Variants in REV3L observed in about 807,000 individuals in gnomAD.
REV3L encodes the protein DNA polymerase zeta catalytic subunit.
REV3L carries 69 observed loss-of-function variants against 299.4 expected under a neutral mutation model. That is an observed-to-expected ratio of 0.23 (90% CI 0.19 to 0.28). The LOEUF (loss-of-function observed/expected upper bound fraction) is 0.28. Among genes scored for constraint, REV3L ranks in the 10% least tolerant of loss-of-function variants. The probability of loss-of-function intolerance (pLI) is 1.00; values close to 1 mark genes in which losing one functional copy is unlikely to be tolerated. For synonymous variants in REV3L, 1,238 were observed against 1,271.4 expected (o/e 0.97, Z 0.56); for missense variants, 3,128 against 3,693.8 (o/e 0.85, Z 3.97).
At chr6:111,387,653 C>T in intron 9 of REV3L, 112 bp downstream of exon 9, 1 of 1,057,836 alleles carries the variant, frequency 9.5e-7, no homozygotes, top group Non-Finnish European at 1.4e-6. Context: ...GCTATATCCA[C>T]AATATTTATT....
intron 1 of REV3L, among the ~76,000 whole-genome samples, chr6:111,471,267 C>T (rs890995772): frequency 4.0e-5 from 6 of 151,514 alleles, no homozygotes; most frequent in Middle Eastern, 3.4e-3. Context: ...TTTTAAGGCA[C>T]TAGTGATGGC....
intron 31 of REV3L, among the ~76,000 whole-genome samples, chr6:111,305,251 C>CT (rs1045420671): frequency 2.0e-5 from 3 of 151,758 alleles, no homozygotes; most frequent in African/African-American, 7.3e-5. Context: ...CGATTTTATT[C>CT]TTTTTTTATG....
In REV3L at chr6:111,380,226, A is replaced by G; in HGVS notation, c.1217-7T>C. 1 of 1,571,220 alleles carries G rather than the reference A, an allele frequency of 6.4e-7. No homozygotes were observed. The highest frequency in any genetic ancestry group is 1.1e-5 in the South Asian group (1 of 88,524). ...TCATCAGGACTACTGTCCACTATAA[A>G]ACAAGTACAATAATCACCAACAAAT... On this transcript the variant is annotated splice_region_variant and splice_polypyrimidine_tract_variant and intron_variant, in intron 10 of 31. Transcript: ENST00000368802.
intron 1 of REV3L, among the ~76,000 whole-genome samples, chr6:111,450,499 A>AC (rs1789391471): frequency 1.3e-5 from 2 of 150,500 alleles, no homozygotes; most frequent in African/African-American, 4.9e-5. Context: ...AAAAAAAAAA[A>AC]AAAAAAACCA....
In REV3L at chr6:111,483,091, G is replaced by T; in HGVS notation, c.-203C>A. 1 of 565,028 alleles carries T rather than the reference G, an allele frequency of 1.8e-6. No homozygotes were observed. The highest frequency in any genetic ancestry group is 2.9e-6 in the Non-Finnish European group (1 of 350,758). 35.0% of individuals were successfully genotyped at this position (565,028 alleles called of 1,614,324 possible). ...CGCCTCCTCAGGAGCACCCGGCAAG[G>T]GGCCGCAGGAGAGAAGCCCTCGAGC... On this transcript the variant is annotated 5_prime_UTR_variant, in exon 1 of 32. Transcript: ENST00000368802.
chr6:111,442,766 C>G (rs371548245), intron 1 of REV3L, among the ~76,000 whole-genome samples: 13 of 152,252 alleles, frequency 8.5e-5, no homozygotes, highest in African/African-American at 3.1e-4. Flanking sequence ...TTAACTACAT[C>G]TCTTTAAGTA....
intron 14 of REV3L, among the ~76,000 whole-genome samples, chr6:111,366,598 T>A (rs1779238386): frequency 6.6e-6 from 1 of 151,750 alleles, no homozygotes; most frequent in Non-Finnish European, 1.5e-5. Context: ...CAGGAACATC[T>A]ATTGGTTTTA....
At position 111,376,358 on chromosome 6, in the gene REV3L, A is replaced by T. The variant is rs1445004502; in HGVS notation, c.1997T>A (p.Ile666Asn). ...ESSIFDYEEDIPSVTRQVPSR... is the reference protein window; with the variant it reads ...ESSIFDYEEDNPSVTRQVPSR... ...TGGTACTTGTCTTGTAACAGATGGA[A>T]TATCTTCTTCATAATCAAAAATACT... is the stretch of plus-strand genomic sequence containing the variant. The change falls in exon 13 of 32, where the codon ATT becomes AAT. Residue 666 changes from isoleucine (I) to asparagine (N), a missense_variant. Physicochemically the swap from Ile to Asn is moderately radical, Grantham distance 149. Coordinates refer to ENST00000368802, the MANE Select transcript of REV3L (RefSeq NM_001372078.1). 6.2e-7 allele frequency: 1 copy of T among 1,612,580 alleles called. No homozygotes were observed. Among genetic ancestry groups the T allele is most frequent in the East Asian group, 2.2e-5 (1 of 44,834 alleles).
intron 1 of REV3L, among the ~76,000 whole-genome samples, chr6:111,426,000 T>C (rs1254644546): frequency 6.6e-6 from 1 of 152,144 alleles, no homozygotes; most frequent in Admixed American, 6.5e-5. Context: ...CCTAAAACGT[T>C]TGGATTCTTT....
At chr6:111,372,181 T>C (rs1020413132) in intron 13 of REV3L, among the ~76,000 whole-genome samples, 2 of 152,212 alleles carry the variant, frequency 1.3e-5, no homozygotes, top group Non-Finnish European at 1.5e-5. Context: ...AACACATACA[T>C]GCTCATTTTC....
At chr6:111,453,702 A>G (rs1375533933) in intron 1 of REV3L, among the ~76,000 whole-genome samples, 1 of 152,184 alleles carries the variant, frequency 6.6e-6, no homozygotes, top group Non-Finnish European at 1.5e-5. Context: ...TATGTGCTAC[A>G]GCTGGGTGCG....
chr6:111,431,324 A>G (rs752167644), intron 1 of REV3L: 12 of 1,140,350 alleles, frequency 1.1e-5, no homozygotes, highest in Non-Finnish European at 1.6e-5. Context: ...AGAAATGGAG[A>G]TTACAGAAGT....
At chr6:111,440,402 C>T (rs1229561185) in intron 1 of REV3L, among the ~76,000 whole-genome samples, 2 of 152,156 alleles carry the variant, frequency 1.3e-5, no homozygotes, top group African/African-American at 4.8e-5. Flanking sequence ...CAGAAATAAA[C>T]AAACGTATCT....
chr6:111,367,837 G>C lies in REV3L; in HGVS notation c.5951C>G (p.Pro1984Arg). Residue 1984 changes from proline (P) to arginine (R), a missense_variant, in exon 14 of 32, where the codon CCT (proline) becomes CGT (arginine). Pro to Arg is a moderately radical substitution (Grantham distance 103). This residue lies in a region of REV3L where 2,409 missense variants were observed against 2,611.8 expected (regional missense o/e 0.92). Coordinates refer to ENST00000368802, the MANE Select transcript of REV3L (RefSeq NM_001372078.1). The part of the protein sequence containing the change: ...GVVNKGSSNS[P>R]KMVEDKKIVI... ...AATTTTTTTATCTTCAACCATCTTA[G>C]GGCTATTACTTGACCCTTTATTGAC... 1 of 1,614,078 alleles carries C rather than the reference G, an allele frequency of 6.2e-7. No homozygotes were observed. The highest frequency in any genetic ancestry group is 1.6e-4 in the Middle Eastern group (1 of 6,062).
At chr6:111,423,588 G>GCA (rs1256296475) in intron 1 of REV3L, among the ~76,000 whole-genome samples, 1 of 152,142 alleles carries the variant, frequency 6.6e-6, no homozygotes, top group Non-Finnish European at 1.5e-5. Context: ...GTGCGCACAT[G>GCA]CATGTACTAA....
At chr6:111,439,729 C>T (rs1180267259) in intron 1 of REV3L, among the ~76,000 whole-genome samples, 1 of 152,154 alleles carries the variant, frequency 6.6e-6, no homozygotes, top group Non-Finnish European at 1.5e-5. Context: ...GTCATGGTCA[C>T]AGTTTGGTGG....
At chr6:111,475,293 T>C (rs972520725) in intron 1 of REV3L, among the ~76,000 whole-genome samples, 1 of 152,212 alleles carries the variant, frequency 6.6e-6, no homozygotes, top group Non-Finnish European at 1.5e-5. Context: ...TTCCAATCTT[T>C]TGCAGTAACA....
chr6:111,402,051 T>C (rs1434481855), intron 4 of REV3L, among the ~76,000 whole-genome samples: 13 of 151,924 alleles, frequency 8.6e-5, no homozygotes, highest in Middle Eastern at 3.2e-3. Context: ...GAGGTGGAGG[T>C]TGCAGTGAGC....
chr6:111,317,276 TAAAAG>T (rs1164048285), intron 26 of REV3L, among the ~76,000 whole-genome samples: 1 of 152,194 alleles, frequency 6.6e-6, no homozygotes, highest in Non-Finnish European at 1.5e-5. Flanking sequence ...TATGAAAAAT[TAAAAG>T]AAAGGAAAAA....
Sources: allele counts gnomAD v4.1 joint callset (sites outside exome capture counted in the v4.1 genomes callset), GRCh38; gene constraint gnomAD v4.1.1; regional missense constraint gnomAD v4.1.1; transcripts MANE v1.5; gene names NCBI Gene and HGNC (gene_info 2026-07-23, HGNC 2026-07-21).